The following SNX29 variants were observed in gnomAD, a reference collection of about 807,000 sequenced individuals.
SNX29 encodes sorting nexin 29, also known as sorting nexin-29.
In SNX29, 78 loss-of-function variants were observed where a neutral mutation model predicts 102.1. The observed-to-expected ratio is 0.76, with a 90% CI of 0.64 to 0.92. SNX29 has a LOEUF of 0.92. Among genes scored for constraint, SNX29 ranks in the 40% least tolerant of loss-of-function variants. The pLI is 0.00. For missense variants in SNX29, 1,280 were observed against 1,061.7 expected (o/e 1.21, Z -2.86); for synonymous variants, 580 against 414.5 (o/e 1.40, Z -4.85).
intron 16 of SNX29, among the ~76,000 whole-genome samples, chr16:12,369,443 C>A (rs568667825): frequency 5.3e-5 from 8 of 152,140 alleles, no homozygotes; most frequent in African/African-American, 1.9e-4. Context: ...GCCGCATGTT[C>A]ATATCTTAAT....
chr16:12,442,910 T>C (rs1466327683), intron 18 of SNX29: 1 of 425,758 alleles, frequency 2.3e-6, no homozygotes, highest in Non-Finnish European at 4.7e-6. Flanking sequence ...AAAAAAACTT[T>C]TTTTTCTGGT....
chr16:12,371,087 G>A (rs559333961), intron 16 of SNX29, among the ~76,000 whole-genome samples: 1 of 152,220 alleles, frequency 6.6e-6, no homozygotes, highest in Non-Finnish European at 1.5e-5. Context: ...TTCAGATGGT[G>A]TTCTCCCAGA....
chr16:12,561,019 G>A (rs979254168), intron 20 of SNX29: 10 of 219,778 alleles, frequency 4.6e-5, no homozygotes, highest in Non-Finnish European at 6.4e-5. Flanking sequence ...TGTGGATGGT[G>A]GAAGTCTTGG....
At chr16:12,479,646 T>A (rs1292551334) in intron 19 of SNX29, among the ~76,000 whole-genome samples, 1 of 152,234 alleles carries the variant, frequency 6.6e-6, no homozygotes, top group Non-Finnish European at 1.5e-5. Flanking sequence ...AAATTATATA[T>A]TGATTTAATC....
chr16:12,484,080 A>C (rs2088107372), intron 19 of SNX29, among the ~76,000 whole-genome samples: 1 of 152,014 alleles, frequency 6.6e-6, no homozygotes, highest in Non-Finnish European at 1.5e-5. Flanking sequence ...TGTCCCATGG[A>C]CTCCACTTTC....
intron 11 of SNX29, among the ~76,000 whole-genome samples, chr16:12,110,257 G>A (rs1474368664): frequency 6.6e-6 from 1 of 152,130 alleles, no homozygotes; most frequent in Non-Finnish European, 1.5e-5. Context: ...CAGGAGAGAG[G>A]TGGAAGCATC....
intron 18 of SNX29, among the ~76,000 whole-genome samples, chr16:12,424,473 G>A (rs939524408): frequency 1.3e-5 from 2 of 152,110 alleles, no homozygotes; most frequent in Admixed American, 1.3e-4. Flanking sequence ...CCTTCCTTGG[G>A]CGACTAGAAC....
In SNX29 at chr16:12,476,369, A is replaced by T. The variant is rs1321795569; in HGVS notation, c.2038-1350A>T. ...CATTTCTCAAAAAAAAAAAAAAAAA[A>T]AAAAAAAAAAAAAAATATATATATA... On this transcript the variant is annotated intron_variant, in intron 18 of 20. Coordinates refer to ENST00000566228, the MANE Select transcript of SNX29 (RefSeq NM_032167.5). 4.4e-3 allele frequency among the ~76,000 whole-genome samples: 113 copies of T among 25,402 alleles called. 1 individual carries two copies. The highest frequency in any genetic ancestry group is 0.015 in the African/African-American group (106 of 7,188). 16.7% of individuals were successfully genotyped at this position (25,402 alleles called of 152,430 possible).
chr16:11,979,761 T>G (rs1312472366), intron 1 of SNX29, among the ~76,000 whole-genome samples: 1 of 152,036 alleles, frequency 6.6e-6, no homozygotes, highest in Non-Finnish European at 1.5e-5. Flanking sequence ...GTTTTGTATT[T>G]TTAGTAGAGA....
intron 1 of SNX29, among the ~76,000 whole-genome samples, chr16:11,988,699 C>T (rs572046413): frequency 3.3e-5 from 5 of 152,124 alleles, no homozygotes; most frequent in Non-Finnish European, 7.4e-5. Context: ...CATGCTTGGC[C>T]TATTGTCTCT....
intron 1 of SNX29, among the ~76,000 whole-genome samples, chr16:11,980,790 G>T (rs191100545): frequency 6.6e-6 from 1 of 152,226 alleles, no homozygotes; most frequent in African/African-American, 2.4e-5. Context: ...GACCAATTGT[G>T]TATCCTCCTT....
At chr16:12,527,023 C>G (rs2076802741) in intron 20 of SNX29, 1 of 399,810 alleles carries the variant, frequency 2.5e-6, no homozygotes, top group Non-Finnish European at 4.8e-6. Flanking sequence ...GAGACTGTGG[C>G]AAATGACACA....
chr16:12,548,624 G>C (rs1040666832), intron 20 of SNX29, among the ~76,000 whole-genome samples: 1 of 152,202 alleles, frequency 6.6e-6, no homozygotes, highest in African/African-American at 2.4e-5. Context: ...CCCCACAGCA[G>C]AAGAGGCTCT....
At chr16:12,533,754 C>T (rs2076994362) in intron 20 of SNX29, among the ~76,000 whole-genome samples, 1 of 152,096 alleles carries the variant, frequency 6.6e-6, no homozygotes, top group East Asian at 1.9e-4. Flanking sequence ...GTGAATTAAG[C>T]CATTGAGTTG....
At chr16:11,997,048 C>G (rs528438101) in intron 1 of SNX29, among the ~76,000 whole-genome samples, 1 of 152,298 alleles carries the variant, frequency 6.6e-6, no homozygotes, top group East Asian at 1.9e-4. Flanking sequence ...CTTTAGAGGT[C>G]TTGAGTCAGG....
At chr16:12,561,490 C>G (rs537085850) in intron 20 of SNX29, among the ~76,000 whole-genome samples, 1 of 152,154 alleles carries the variant, frequency 6.6e-6, no homozygotes, top group Non-Finnish European at 1.5e-5. Flanking sequence ...ACCGGCTCGC[C>G]AGACCCAGAT....
chr16:12,135,553 A>T, intron 13 of SNX29: 1 of 1,326,522 alleles, frequency 7.5e-7, no homozygotes, highest in Non-Finnish European at 9.9e-7. Flanking sequence ...GTTGGCAGCT[A>T]TCTTTGCTAT....
chr16:12,567,593 C>G (rs974548796), intron 20 of SNX29, among the ~76,000 whole-genome samples: 19 of 152,076 alleles, frequency 1.2e-4, no homozygotes, highest in Admixed American at 9.8e-4. Flanking sequence ...AAGAGCAAGA[C>G]CCCATCTCTA....
At chr16:12,300,928 A>T (rs1266950918) in intron 15 of SNX29, among the ~76,000 whole-genome samples, 1 of 152,064 alleles carries the variant, frequency 6.6e-6, no homozygotes, top group Non-Finnish European at 1.5e-5. Flanking sequence ...CTGCCCTTGG[A>T]AGCAAAAATA....
Sources: allele counts gnomAD v4.1 joint callset (sites outside exome capture counted in the v4.1 genomes callset), GRCh38; gene constraint gnomAD v4.1.1; transcripts MANE v1.5; gene names NCBI Gene and HGNC (gene_info 2026-07-23, HGNC 2026-07-21).